RPS6KC1: variants seen among roughly 807,000 people sequenced by gnomAD.
The protein encoded by RPS6KC1 is inactive ribosomal protein S6 kinase delta-1.
In RPS6KC1, 54 loss-of-function variants were observed where a neutral mutation model predicts 103.8. The ratio of observed to expected loss-of-function variants is 0.52; its 90% CI spans 0.42 to 0.65. The LOEUF is 0.65. RPS6KC1 is among the 30% of genes least tolerant of loss of function. The probability of loss-of-function intolerance (pLI) is 0.00; values close to 1 mark genes in which losing one functional copy is unlikely to be tolerated. For missense variants in RPS6KC1, 1,151 were observed against 1,253.8 expected (o/e 0.92, Z 1.24); for synonymous variants, 439 against 438.7 (o/e 1.00, Z -0.01).
intron 14 of RPS6KC1, 55 bp downstream of exon 14, chr1:213,262,871 C>T (rs960531548): frequency 2.9e-6 from 3 of 1,028,764 alleles, no homozygotes; most frequent in African/African-American, 3.2e-5. Context: ...TAGCAGAGCC[C>T]ACAACTCCAA....
At chr1:213,441,820 C>T in the RPS6KC1 span, among the ~76,000 whole-genome samples, 2 of 152,284 alleles carry the variant, frequency 1.3e-5, no homozygotes, top group African/African-American at 2.4e-5. Flanking sequence ...GAGTATTATA[C>T]ATTTTGAAAT....
At chr1:213,459,410 T>C in the RPS6KC1 span, among the ~76,000 whole-genome samples, 1 of 152,202 alleles carries the variant, frequency 6.6e-6, no homozygotes, top group South Asian at 2.1e-4. Flanking sequence ...TCTCTGATGG[T>C]AGTTTATATT....
chr1:213,255,361 A>G (rs904591236), intron 12 of RPS6KC1, among the ~76,000 whole-genome samples: 6 of 151,636 alleles, frequency 4.0e-5, no homozygotes. Context: ...ATGTTTTTCT[A>G]CTTGTTTCTA....
chr1:213,562,182 A>G, the RPS6KC1 span, among the ~76,000 whole-genome samples: 1 of 152,122 alleles, frequency 6.6e-6, no homozygotes, highest in African/African-American at 2.4e-5. Context: ...TGAAATCATC[A>G]AAGACTTTTC....
chr1:213,520,301 A>G, the RPS6KC1 span, among the ~76,000 whole-genome samples: 8 of 152,196 alleles, frequency 5.3e-5, no homozygotes, highest in African/African-American at 1.9e-4. Flanking sequence ...GCAGGCAAAA[A>G]GAGAGAATGA....
the RPS6KC1 span, among the ~76,000 whole-genome samples, chr1:213,643,470 A>AT: frequency 7.5e-4 from 113 of 150,940 alleles, 2 homozygotes; most frequent in South Asian, 2.1e-3. Flanking sequence ...AATGCTGTTG[A>AT]TTTTTTTTCA....
chr1:213,361,506 A>G, the RPS6KC1 span, among the ~76,000 whole-genome samples: 65,471 of 152,208 alleles, frequency 0.43, 16,961 homozygotes, highest in African/African-American at 0.72. Context: ...TGCAGTTCCC[A>G]GGTGAGGCGA....
At chr1:213,584,134 G>A in the RPS6KC1 span, among the ~76,000 whole-genome samples, 5 of 152,092 alleles carry the variant, frequency 3.3e-5, no homozygotes, top group African/African-American at 1.2e-4. Flanking sequence ...CTTTCGCTTG[G>A]TTCTCATTCT....
intron 8 of RPS6KC1, among the ~76,000 whole-genome samples, chr1:213,204,708 C>T (rs1346980347): frequency 6.6e-6 from 1 of 151,274 alleles, no homozygotes; most frequent in Admixed American, 6.6e-5. Context: ...ACTGCAGTCC[C>T]GACGTCTTGG....
At chr1:213,263,079 G>A (rs1466342185) in intron 14 of RPS6KC1, among the ~76,000 whole-genome samples, 1 of 152,062 alleles carries the variant, frequency 6.6e-6, no homozygotes, top group East Asian at 1.9e-4. Flanking sequence ...GTATATTTGT[G>A]TAACTCTGTG....
At chr1:213,689,512 G>T in the RPS6KC1 span, among the ~76,000 whole-genome samples, 1 of 152,188 alleles carries the variant, frequency 6.6e-6, no homozygotes, top group African/African-American at 2.4e-5. Flanking sequence ...TCCCCACAGG[G>T]TATTTCAAGG....
intron 3 of RPS6KC1, among the ~76,000 whole-genome samples, chr1:213,084,658 A>T (rs914497478): frequency 6.6e-6 from 1 of 152,032 alleles, no homozygotes; most frequent in Admixed American, 6.5e-5. Flanking sequence ...TCTCTCTGGG[A>T]TAGGATCCAT....
chr1:213,778,883 C>T, the RPS6KC1 span, among the ~76,000 whole-genome samples: 1 of 152,090 alleles, frequency 6.6e-6, no homozygotes, highest in Non-Finnish European at 1.5e-5. Context: ...ACCAGGCTTC[C>T]ACCCCACCGC....
chr1:213,768,531 C>T, the RPS6KC1 span, among the ~76,000 whole-genome samples: 1 of 152,182 alleles, frequency 6.6e-6, no homozygotes, highest in Non-Finnish European at 1.5e-5. Flanking sequence ...AAAGATTCCT[C>T]CTTATATCCA....
the RPS6KC1 span, among the ~76,000 whole-genome samples, chr1:213,304,148 G>A: frequency 7.0e-6 from 1 of 142,234 alleles, no homozygotes; most frequent in African/African-American, 2.6e-5. Flanking sequence ...GGAGCTTGCA[G>A]TGAGCCGAGA....
At chr1:213,720,867 A>G in the RPS6KC1 span, among the ~76,000 whole-genome samples, 1 of 152,362 alleles carries the variant, frequency 6.6e-6, no homozygotes, top group East Asian at 1.9e-4. Flanking sequence ...GTGAAAGAGA[A>G]TATAATGCAT....
At chr1:213,151,943 C>T (rs1475473629) in intron 6 of RPS6KC1, among the ~76,000 whole-genome samples, 1 of 123,764 alleles carries the variant, frequency 8.1e-6, no homozygotes, top group Non-Finnish European at 1.7e-5. Flanking sequence ...CCCCCCACCT[C>T]CCTCCCGGAT....
At chr1:213,156,770 A>T (rs1377860738) in intron 6 of RPS6KC1, among the ~76,000 whole-genome samples, 2 of 152,152 alleles carry the variant, frequency 1.3e-5, no homozygotes, top group African/African-American at 4.8e-5. Context: ...ATATAGGCAA[A>T]ATAAGGAATT....
At chr1:213,380,325 G>T in the RPS6KC1 span, among the ~76,000 whole-genome samples, 1 of 152,284 alleles carries the variant, frequency 6.6e-6, no homozygotes, top group African/African-American at 2.4e-5. Flanking sequence ...GGGCCTACTG[G>T]AGAATGGAGG....
Sources: allele counts gnomAD v4.1 joint callset (sites outside exome capture counted in the v4.1 genomes callset), GRCh38; gene constraint gnomAD v4.1.1; transcripts MANE v1.5; gene names NCBI Gene and HGNC (gene_info 2026-07-23, HGNC 2026-07-21).